OXNAD1: variants seen among roughly 807,000 people sequenced by gnomAD.
The protein encoded by OXNAD1 is oxidoreductase NAD binding domain containing 1.
Under a neutral mutation model 32.9 loss-of-function variants are expected in OXNAD1, and 34 were observed. The observed-to-expected ratio is 1.03, with a 90% CI of 0.79 to 1.38. The LOEUF is 1.38. OXNAD1 is among the 40% of genes most tolerant of loss of function. The pLI, the probability that OXNAD1 is intolerant of heterozygous loss-of-function variation, is 0.00. For synonymous variants in OXNAD1, 134 were observed against 135.2 expected (o/e 0.99, Z 0.06); for missense variants, 407 against 379.4 (o/e 1.07, Z -0.60).
rs1356073397 is a variant in OXNAD1 at position 16,344,535 on chromosome 3, G to A, written c.*31-4641G>A. On this transcript the variant is annotated intron_variant, in intron 9 of 9. Coordinates refer to the OXNAD1 transcript ENST00000606098. The surrounding 1 kb of genome is among the most constrained non-coding windows in gnomAD (Gnocchi z 4.4). Reference sequence around the variant, plus strand: ...CTAGAATGCTTTATGTGGAGCCCAAGAGCATCCATGTTCTTATTCTTAGAT... The same window carrying A: ...CTAGAATGCTTTATGTGGAGCCCAAAAGCATCCATGTTCTTATTCTTAGAT... Among the ~76,000 whole-genome samples, 2 of 152,068 alleles carry A rather than the reference G, an allele frequency of 1.3e-5. No homozygotes were observed. Among genetic ancestry groups the A allele is most frequent in the East Asian group, 1.9e-4 (1 of 5,182 alleles).
At chr3:16,337,728 G>A (rs548884774), downstream of OXNAD1, among the ~76,000 whole-genome samples, 31 of 139,394 alleles carry the variant, frequency 2.2e-4, no homozygotes, top group South Asian at 2.7e-3. The surrounding 1 kb of genome is among the most constrained non-coding windows in gnomAD (Gnocchi z 5.0). Context: ...GCGACAGAGC[G>A]AGACTCCATC....
rs1559843766 is a variant in OXNAD1, at chr3:16,345,832, GCGCA to G, written c.*31-3340_*31-3337del. 7.7e-4 allele frequency among the ~76,000 whole-genome samples: 49 copies of G among 63,938 alleles called. No individual in the cohort carries two copies. The highest frequency in any genetic ancestry group is 2.5e-3 in the African/African-American group (39 of 15,626). 41.9% of individuals were successfully genotyped at this position (63,938 alleles called of 152,430 possible). A position where few individuals can be genotyped will look rare whatever the true frequency, so the allele number is the denominator to read the frequency against. On this transcript the variant is annotated intron_variant, in intron 9 of 9. Transcript: ENST00000606098. The surrounding 1 kb of genome is among the most constrained non-coding windows in gnomAD (Gnocchi z 5.2). The stretch of plus-strand genomic sequence containing the variant: ...TGTGTGTGTGTGCGCGCGCGCGTGC[GCGCA>G]CGCGCACATGTGCATGTGTATGTGT...
Position 16,297,848 on chromosome 3 carries a change from A to G in OXNAD1, c.432+2851A>G, listed in dbSNP as rs2066907477. On this transcript the variant is annotated intron_variant, in intron 6 of 8. Coordinates refer to ENST00000285083, the MANE Select transcript of OXNAD1 (RefSeq NM_138381.5). The surrounding 1 kb of genome is among the most constrained non-coding windows in gnomAD (Gnocchi z 4.3). ...TTACTGTAAAGGTAGGATCGATAGC[A>G]CAGGGGAATATTTTCAGGGGGTGAT... is the stretch of plus-strand genomic sequence containing the variant. Among the ~76,000 whole-genome samples, 1 of 152,206 alleles carries G rather than the reference A, an allele frequency of 6.6e-6. No homozygotes were observed. Among genetic ancestry groups the G allele is most frequent in the Admixed American group, 6.5e-5 (1 of 15,284 alleles).
intron 1 of OXNAD1, among the ~76,000 whole-genome samples, chr3:16,268,313 C>CT (rs531751365): frequency 0.026 from 1,555 of 60,894 alleles, 232 homozygotes; most frequent in Non-Finnish European, 0.034. Flanking sequence ...AAGAGAACTC[C>CT]TTTTTTTTTT....
chr3:16,296,779 A>G (rs2066828793), intron 6 of OXNAD1, among the ~76,000 whole-genome samples: 1 of 152,214 alleles, frequency 6.6e-6, no homozygotes, highest in African/African-American at 2.4e-5. Context: ...CTAGATGCAA[A>G]AAACAAAAAA....
At position 16,299,791 on chromosome 3, in the gene OXNAD1, A is replaced by G. The variant is rs2067049642; in HGVS notation, c.433-1835A>G. 6.6e-6 allele frequency among the ~76,000 whole-genome samples: 1 copy of G among 152,256 alleles called. No individual in the cohort carries two copies. Among genetic ancestry groups the G allele is most frequent in the Admixed American group, 6.5e-5 (1 of 15,286 alleles). On this transcript the variant is annotated intron_variant, in intron 6 of 8. Coordinates refer to ENST00000285083, the MANE Select transcript of OXNAD1 (RefSeq NM_138381.5). The surrounding 1 kb of genome is among the most constrained non-coding windows in gnomAD (Gnocchi z 4.4). The stretch of plus-strand genomic sequence containing the variant: ...CAGGAACGTGTAATGGGAGAAACCT[A>G]TGCTCTTAATACAAGTTTCTTTATT...
At position 16,302,653 on chromosome 3, in the gene OXNAD1, A is replaced by T. The variant is rs2067271491; in HGVS notation, c.689A>T (p.Asp230Val). 2.5e-6 allele frequency: 4 copies of T among 1,610,384 alleles called. No individual in the cohort carries two copies. The highest frequency in any genetic ancestry group is 3.4e-6 in the Non-Finnish European group (4 of 1,177,360). ...SELLFKKNIL[D>V]LVNEFPEKIA... ...TTGACATTCCAGAAAAATATCCTTG[A>T]TTTAGTAAATGAATTTCCTGAGAAG... The change falls in exon 8 of 9, where the codon GAT becomes GTT. Residue 230 changes from aspartate to valine, a missense_variant. Physicochemically the swap from Asp to Val is radical, Grantham distance 152. Transcript: ENST00000285083. This position sits in a 1 kb window ranked among gnomAD's most constrained non-coding sequence, Gnocchi z 4.2.
At position 16,320,086 on chromosome 3, in the gene OXNAD1, AGT is replaced by A. The variant is rs1413870627; in HGVS notation, c.*30+16501_*30+16502del. Among the ~76,000 whole-genome samples, 1 of 152,234 alleles carries A rather than the reference AGT, an allele frequency of 6.6e-6. No homozygotes were observed. Among genetic ancestry groups the A allele is most frequent in the African/African-American group, 2.4e-5 (1 of 41,462 alleles). ...AAAAAGAAATCCTTCACTTTACAGC[AGT>A]GTGTGTCCAGAGTTCCATGTCAGCA... On this transcript the variant is annotated intron_variant, in intron 9 of 9. Coordinates refer to the OXNAD1 transcript ENST00000435829. The surrounding 1 kb of genome is among the most constrained non-coding windows in gnomAD (Gnocchi z 4.5).
chr3:16,298,272 C>G lies in OXNAD1; in HGVS notation c.432+3275C>G, dbSNP rs1207891760. On this transcript the variant is annotated intron_variant, in intron 6 of 8. Transcript: ENST00000285083. The surrounding 1 kb of genome is among the most constrained non-coding windows in gnomAD (Gnocchi z 5.1). ...TGAGAGCAACGAGGTATCTGCATGCCCCTTGCTCAGAGTTGAAATAAGCAT... is the reference window on the plus strand; with the variant it reads ...TGAGAGCAACGAGGTATCTGCATGCGCCTTGCTCAGAGTTGAAATAAGCAT... Among the ~76,000 whole-genome samples, 1 of 152,036 alleles carries G rather than the reference C, an allele frequency of 6.6e-6. No individual in the cohort carries two copies. Among genetic ancestry groups the G allele is most frequent in the Non-Finnish European group, 1.5e-5 (1 of 67,994 alleles).
rs955187755 is a variant in OXNAD1 at position 16,298,741 on chromosome 3, G to A, written c.433-2885G>A. Among the ~76,000 whole-genome samples the A allele has an allele frequency of 6.6e-6, 1 of 152,160 alleles. No individual in the cohort carries two copies. Among genetic ancestry groups the A allele is most frequent in the East Asian group, 1.9e-4 (1 of 5,190 alleles). Reference sequence around the variant, plus strand: ...GGCTCAAGCTCTTGGCAGGGTAAAGGGTTCTAGACAGCTATTGTGTGCTCA... The same window carrying A: ...GGCTCAAGCTCTTGGCAGGGTAAAGAGTTCTAGACAGCTATTGTGTGCTCA... On this transcript the variant is annotated intron_variant, in intron 6 of 8. Transcript: ENST00000285083. This position sits in a 1 kb window ranked among gnomAD's most constrained non-coding sequence, Gnocchi z 5.1.
Position 16,286,385 on chromosome 3 carries a change from C to A in OXNAD1, c.227C>A (p.Pro76Gln), listed in dbSNP as rs781525309. 4 of 1,613,890 alleles carry A rather than the reference C, an allele frequency of 2.5e-6. No homozygotes were observed. Among genetic ancestry groups the A allele is most frequent in the South Asian group, 1.1e-5 (1 of 91,072 alleles). ...AKVCGAASES[P>Q]SVKSLRLLVA... is the part of the protein sequence containing the mutation. The stretch of plus-strand genomic sequence containing the variant: ...GTGTGTGGAGCTGCCAGTGAGTCAC[C>A]GTCAGTGAAGAGCCTCCGCTTGCTT... Residue 76 changes from proline (P) to glutamine (Q), a missense_variant, in exon 5 of 9, where the codon CCG (proline) becomes CAG (glutamine). Physicochemically the swap from Pro to Gln is moderately conservative, Grantham distance 76. Transcript: ENST00000285083.
chr3:16,318,526 C>T (rs1312522367), intron 9 of OXNAD1, among the ~76,000 whole-genome samples: 1 of 152,112 alleles, frequency 6.6e-6, no homozygotes, highest in East Asian at 1.9e-4. Flanking sequence ...TAAAAATCTG[C>T]CATTTTTGTA....
rs969593495 is a variant in OXNAD1, at chr3:16,289,388, G to C, written c.290+2940G>C. ...GGTATAGCTTGCCTCCTGAGGGGAAGTAAGGCCAAAGCATTTTCACAGAGT... is the reference window on the plus strand; with the variant it reads ...GGTATAGCTTGCCTCCTGAGGGGAACTAAGGCCAAAGCATTTTCACAGAGT... On this transcript the variant is annotated intron_variant, in intron 5 of 8. Transcript: ENST00000285083. This position sits in a 1 kb window ranked among gnomAD's most constrained non-coding sequence, Gnocchi z 4.9. Among the ~76,000 whole-genome samples the C allele has an allele frequency of 5.3e-5, 8 of 152,182 alleles. No individual in the cohort carries two copies. The highest frequency in any genetic ancestry group is 1.9e-4 in the African/African-American group (8 of 41,444).
At position 16,317,316 on chromosome 3, in the gene OXNAD1, A is replaced by G. The variant is rs2068515008; in HGVS notation, c.*30+13724A>G. ...CAAAGCCTTGTTTGCATTCATACCCACACCATGTCTGAGTGAGACATACAA... is the reference window on the plus strand; with the variant it reads ...CAAAGCCTTGTTTGCATTCATACCCGCACCATGTCTGAGTGAGACATACAA... On this transcript the variant is annotated intron_variant, in intron 9 of 9. Transcript: ENST00000435829. The surrounding 1 kb of genome is among the most constrained non-coding windows in gnomAD (Gnocchi z 4.3). 1.4e-6 allele frequency: 2 copies of G among 1,411,534 alleles called. No individual in the cohort carries two copies. Among genetic ancestry groups the G allele is most frequent in the East Asian group, 2.3e-5 (1 of 42,970 alleles). 87.4% of individuals were successfully genotyped at this position (1,411,534 alleles called of 1,614,324 possible).
chr3:16,345,264 T>TTTGTGTGTGTGTG lies in OXNAD1; in HGVS notation c.*31-3911_*31-3910insTGTGTGTGTGTGT, dbSNP rs1491581919. ...AAACTGTAAGATAATAAGTAGGTGG[T>TTTGTGTGTGTGTG]TGTGTGTGTGTGTGTGTGTGTGTGT... On this transcript the variant is annotated intron_variant, in intron 9 of 9. Coordinates refer to the OXNAD1 transcript ENST00000606098. The surrounding 1 kb of genome is among the most constrained non-coding windows in gnomAD (Gnocchi z 5.2). 22 of 145,930 alleles carry TTTGTGTGTGTGTG rather than the reference T, an allele frequency of 1.5e-4. No individual in the cohort carries two copies. Among genetic ancestry groups the TTTGTGTGTGTGTG allele is most frequent in the African/African-American group, 5.3e-4 (20 of 37,852 alleles). The allele number at this position is 145,930 out of a possible 1,614,324, so 9.0% of individuals were successfully genotyped here.
Position 16,317,055 on chromosome 3 carries a change from C to T in OXNAD1, c.*30+13463C>T. ...ACAGGGCCCTTCATCTCCTCGGAGA[C>T]TCCACCCTCCTGCTGCTGTCCTGAA... is the stretch of plus-strand genomic sequence containing the variant. On this transcript the variant is annotated intron_variant, in intron 9 of 9. Coordinates refer to the OXNAD1 transcript ENST00000435829. This position sits in a 1 kb window ranked among gnomAD's most constrained non-coding sequence, Gnocchi z 4.3. 6.2e-7 allele frequency: 1 copy of T among 1,613,906 alleles called. No homozygotes were observed. Among genetic ancestry groups the T allele is most frequent in the Non-Finnish European group, 8.5e-7 (1 of 1,179,988 alleles).
rs1404496927 is a variant in OXNAD1 at position 16,327,795 on chromosome 3, C to T, written c.*31-9317C>T. Among the ~76,000 whole-genome samples the T allele has an allele frequency of 6.6e-6, 1 of 151,848 alleles. No homozygotes were observed. Among genetic ancestry groups the T allele is most frequent in the African/African-American group, 2.4e-5 (1 of 41,346 alleles). Reference sequence around the variant, plus strand: ...AAACAAAACGAAAAAAACTTCAGCCCCCTGCTAGCACAGGGAGAGAGCCCT... The same window carrying T: ...AAACAAAACGAAAAAAACTTCAGCCTCCTGCTAGCACAGGGAGAGAGCCCT... On this transcript the variant is annotated intron_variant, in intron 9 of 9. Transcript: ENST00000435829. This position sits in a 1 kb window ranked among gnomAD's most constrained non-coding sequence, Gnocchi z 4.2.
rs1159858120 is a variant in OXNAD1 at position 16,321,960 on chromosome 3, T to C, written c.*31-15152T>C. On this transcript the variant is annotated intron_variant, in intron 9 of 9. Transcript: ENST00000435829. This position sits in a 1 kb window ranked among gnomAD's most constrained non-coding sequence, Gnocchi z 4.8. ...ACATGTCTCTCCTTTGGAATCTGTG[T>C]GCCCCACCACCAGGAACCTGTTAGG... 6.6e-6 allele frequency among the ~76,000 whole-genome samples: 1 copy of C among 152,216 alleles called. No homozygotes were observed. The highest frequency in any genetic ancestry group is 1.5e-5 in the Non-Finnish European group (1 of 68,038).
rs2070767364 is a variant in OXNAD1, at chr3:16,335,613, T to A, written c.*31-1499T>A. ...ACACATGGTGGGGAGCAACACACAC[T>A]GGGACCTGTTGGAGGTGTGGGAGGA... On this transcript the variant is annotated intron_variant, in intron 9 of 9. Transcript: ENST00000435829. The surrounding 1 kb of genome is among the most constrained non-coding windows in gnomAD (Gnocchi z 4.7). 6.6e-6 allele frequency among the ~76,000 whole-genome samples: 1 copy of A among 151,952 alleles called. No homozygotes were observed. The highest frequency in any genetic ancestry group is 2.4e-5 in the African/African-American group (1 of 41,348).
Sources: gnomAD v4.1 joint callset for allele counts (sites outside exome capture counted in the v4.1 genomes callset) on GRCh38, gnomAD v4.1.1 for gene constraint, Gnocchi (gnomAD v3.1) non-coding constraint, MANE v1.5 for transcripts, NCBI Gene and HGNC (gene_info 2026-07-23, HGNC 2026-07-21) for gene names.